Variants in EIF2AK2 observed in about 807,000 individuals in gnomAD.
EIF2AK2 encodes the protein interferon-induced, double-stranded RNA-activated protein kinase.
Under a neutral mutation model 70.5 loss-of-function variants are expected in EIF2AK2, and 40 were observed. That is an observed-to-expected ratio of 0.57 (90% CI 0.44 to 0.74). The LOEUF (loss-of-function observed/expected upper bound fraction) is 0.74, where lower values mean the gene tolerates loss of function less well. EIF2AK2 is among the 30% of genes least tolerant of loss of function. The probability of loss-of-function intolerance (pLI) is 0.00; values close to 1 mark genes in which losing one functional copy is unlikely to be tolerated. For synonymous variants in EIF2AK2, 198 were observed against 220.9 expected (o/e 0.90, Z 0.92); for missense variants, 555 against 644.3 (o/e 0.86, Z 1.50).
At chr2:37,127,941 C>G (rs1226065669) in intron 10 of EIF2AK2, among the ~76,000 whole-genome samples, 1 of 152,112 alleles carries the variant, frequency 6.6e-6, no homozygotes, top group Non-Finnish European at 1.5e-5. Context: ...GGGGTTTCAC[C>G]ATGTTGGCCA....
intron 11 of EIF2AK2, among the ~76,000 whole-genome samples, chr2:37,122,892 G>T (rs1674604847): frequency 6.6e-6 from 1 of 152,160 alleles, no homozygotes; most frequent in Admixed American, 6.5e-5. Context: ...CAGTGGCCGG[G>T]CGCGGTGGCT....
chr2:37,146,107 T>C (rs2373114), intron 4 of EIF2AK2, among the ~76,000 whole-genome samples: 128,295 of 152,052 alleles, frequency 0.84, 55,551 homozygotes, highest in East Asian at 1. Context: ...TAGATATGTT[T>C]AGATACATGA....
chr2:37,131,775 G>A (rs986569722), intron 10 of EIF2AK2, among the ~76,000 whole-genome samples: 6 of 152,096 alleles, frequency 3.9e-5, no homozygotes, highest in African/African-American at 1.4e-4. Context: ...ATATTGTGAT[G>A]ATACCCACTG....
Position 37,126,297 on chromosome 2 carries a change from A to T in EIF2AK2, c.900T>A (p.Tyr300Ter). Residue 300 changes from tyrosine (Y) to a stop codon, truncating the protein, a stop_gained, in exon 11 of 17, where the codon TAT (tyrosine) becomes TAA (stop). Transcript: ENST00000233057. LOFTEE classifies it high-confidence loss of function. Reference sequence around the variant, plus strand: ...AAACATTTACTACTTACTCGTTATTATATTTAACACGTTTAATAACGTAAG... The same window carrying T: ...AAACATTTACTACTTACTCGTTATTTTATTTAACACGTTTAATAACGTAAG... ...GKTYVIKRVK[Y>*]NNEKAEREVK... 6.3e-7 allele frequency: 1 copy of T among 1,595,690 alleles called. No individual in the cohort carries two copies. Among genetic ancestry groups the T allele is most frequent in the Non-Finnish European group, 8.5e-7 (1 of 1,171,736 alleles).
chr2:37,115,723 C>G (rs778971527), intron 13 of EIF2AK2, among the ~76,000 whole-genome samples: 29 of 152,110 alleles, frequency 1.9e-4, no homozygotes, highest in Non-Finnish European at 2.8e-4. Context: ...GCAGATTAGC[C>G]TGTGCAGAAT....
chr2:37,147,427 G>T (rs1054052108), intron 3 of EIF2AK2, among the ~76,000 whole-genome samples: 1 of 149,318 alleles, frequency 6.7e-6, no homozygotes, highest in African/African-American at 2.5e-5. Flanking sequence ...TCGTCATTTA[G>T]CATTAGGTAT....
intron 12 of EIF2AK2, among the ~76,000 whole-genome samples, chr2:37,122,042 A>G (rs943172783): frequency 3.9e-5 from 6 of 152,222 alleles, no homozygotes; most frequent in Middle Eastern, 3.2e-3. Flanking sequence ...CCACCCCAGC[A>G]TAAGTGGTAT....
chr2:37,134,405 A>T (rs1327325852), intron 10 of EIF2AK2, among the ~76,000 whole-genome samples: 1 of 152,148 alleles, frequency 6.6e-6, no homozygotes, highest in Non-Finnish European at 1.5e-5. Context: ...ATTGTTAAAC[A>T]CCCTGCTGAC....
chr2:37,115,543 T>C (rs1674313004), intron 13 of EIF2AK2, among the ~76,000 whole-genome samples: 1 of 152,138 alleles, frequency 6.6e-6, no homozygotes, highest in South Asian at 2.1e-4. Context: ...CCTAATAGTG[T>C]TGTCCAAAGA....
At chr2:37,137,938 C>T (rs1675185286) in intron 8 of EIF2AK2, among the ~76,000 whole-genome samples, 1 of 151,826 alleles carries the variant, frequency 6.6e-6, no homozygotes. Flanking sequence ...TGGTGAAACC[C>T]CGTCTCTACT....
chr2:37,149,213 G>A, intron 1 of EIF2AK2, 190 bp from the exon 2 acceptor site: 1 of 1,112,618 alleles, frequency 9.0e-7, no homozygotes, highest in Non-Finnish European at 1.4e-6. Flanking sequence ...TACCAAGTGT[G>A]GAGCTGAATG....
At chr2:37,149,126 GATTTTT>G in intron 1 of EIF2AK2, 103 bp from the exon 2 acceptor site, 1 of 915,648 alleles carries the variant, frequency 1.1e-6, no homozygotes, top group Non-Finnish European at 1.8e-6. Flanking sequence ...AGGGTCTCCT[GATTTTT>G]ATTGGGATGG....
At chr2:37,155,822 T>C (rs1675901161) in intron 1 of EIF2AK2, among the ~76,000 whole-genome samples, 1 of 151,404 alleles carries the variant, frequency 6.6e-6, no homozygotes, top group Non-Finnish European at 1.5e-5. Context: ...GCACCTGTAG[T>C]CCCAGCTACC....
At chr2:37,131,924 A>G (rs886405807) in intron 10 of EIF2AK2, among the ~76,000 whole-genome samples, 6 of 152,202 alleles carry the variant, frequency 3.9e-5, no homozygotes, top group Non-Finnish European at 7.3e-5. Flanking sequence ...AATTCTAAAT[A>G]TGTTTATAAC....
At chr2:37,119,167 A>C (rs909789754) in intron 13 of EIF2AK2, among the ~76,000 whole-genome samples, 1 of 152,226 alleles carries the variant, frequency 6.6e-6, no homozygotes, top group Non-Finnish European at 1.5e-5. Flanking sequence ...TTTTAATGAG[A>C]AGTAAAAAAT....
chr2:37,101,654 TC>T lies in EIF2AK2; in HGVS notation c.*5618del, dbSNP rs1453304724. Reference sequence around the variant, plus strand: ...CACTCTGGGGATACTCTCAGTCAAATCCTGAGTGGAGGAAATTCCACAGGAC... The same window carrying T: ...CACTCTGGGGATACTCTCAGTCAAATCTGAGTGGAGGAAATTCCACAGGAC... On this transcript the variant is annotated 3_prime_UTR_variant, in exon 17 of 17. Transcript: ENST00000233057. 6.6e-6 allele frequency: 1 copy of T among 152,066 alleles called. No individual in the cohort carries two copies. The highest frequency in any genetic ancestry group is 2.4e-5 in the African/African-American group (1 of 41,404). The allele number at this position is 152,066 out of a possible 1,614,324, so 9.4% of individuals were successfully genotyped here. A position where few individuals can be genotyped will look rare whatever the true frequency, so the allele number is the denominator to read the frequency against.
intron 10 of EIF2AK2, among the ~76,000 whole-genome samples, chr2:37,133,651 G>A (rs1022632072): frequency 2.0e-4 from 30 of 152,156 alleles, no homozygotes; most frequent in Non-Finnish European, 4.0e-4. Context: ...CCTCTCTTGT[G>A]TCTCCACAGG....
At chr2:37,111,875 AAAAATATATATATATATATATATAT>A (rs1209210886) in intron 14 of EIF2AK2, among the ~76,000 whole-genome samples, 3 of 40,158 alleles carry the variant, frequency 7.5e-5, no homozygotes, top group African/African-American at 2.3e-4. Flanking sequence ...AAAAAAAAAA[AAAAATATATATATATATATATATAT>A]ATATATATAT....
chr2:37,130,383 G>A (rs557671730), intron 10 of EIF2AK2, among the ~76,000 whole-genome samples: 6 of 152,248 alleles, frequency 3.9e-5, no homozygotes, highest in Admixed American at 6.5e-5. Context: ...GATTACAGGC[G>A]TGAGGCACCG....
Sources: gnomAD v4.1 joint callset for allele counts (sites outside exome capture counted in the v4.1 genomes callset) on GRCh38, gnomAD v4.1.1 for gene constraint, MANE v1.5 for transcripts, NCBI Gene and HGNC (gene_info 2026-07-23, HGNC 2026-07-21) for gene names.